QSER1: variants seen among roughly 807,000 people sequenced by gnomAD.
QSER1 encodes the protein glutamine and serine-rich protein 1.
QSER1 carries 49 observed loss-of-function variants against 158.5 expected under a neutral mutation model. The ratio of observed to expected loss-of-function variants is 0.31; its 90% CI spans 0.25 to 0.39. The LOEUF is 0.39. Ranked by LOEUF, QSER1 falls within the 10% of genes least tolerant of loss-of-function variation. The probability of loss-of-function intolerance (pLI) is 1.00; values close to 1 mark genes in which losing one functional copy is unlikely to be tolerated. For missense variants in QSER1, 1,754 were observed against 2,010.3 expected, an observed-to-expected ratio of 0.87 and a Z score of 2.44; for synonymous variants, 650 against 715.5, an observed-to-expected ratio of 0.91 and a Z score of 1.46.
At chr11:32,966,843 C>G (rs1852758300) in intron 9 of QSER1, among the ~76,000 whole-genome samples, 1 of 152,092 alleles carries the variant, frequency 6.6e-6, no homozygotes, top group African/African-American at 2.4e-5. Context: ...AAAGATACAT[C>G]ATAGCAATTA....
Position 32,934,631 on chromosome 11 carries a change from G to C in QSER1, c.3373G>C (p.Asp1125His). The C allele has an allele frequency of 6.2e-7, 1 of 1,613,730 alleles. No individual in the cohort carries two copies. The highest frequency in any genetic ancestry group is 8.5e-7 in the Non-Finnish European group (1 of 1,179,954). The part of the protein sequence containing the change: ...ESEEDSEAPV[D>H]STLNNNRNQE... ...TGAAGAAGACAGTGAAGCTCCTGTT[G>C]ATAGTACATTAAATAATAACAGAAA... is the stretch of plus-strand genomic sequence containing the variant. The change falls in exon 4 of 13, where the codon GAT becomes CAT. Residue 1125 changes from aspartate to histidine, a missense_variant. Physicochemically the swap from Asp to His is moderately conservative, Grantham distance 81. This residue lies in a region of QSER1 where 1,707 missense variants were observed against 1,919.6 expected (regional missense o/e 0.89). Transcript: ENST00000650167.
chr11:32,903,904 ACCCAG>A (rs1851656252), intron 1 of QSER1, among the ~76,000 whole-genome samples: 1 of 151,990 alleles, frequency 6.6e-6, no homozygotes, highest in Non-Finnish European at 1.5e-5. Flanking sequence ...GAACCACCAC[ACCCAG>A]CCCCAGTAAG....
chr11:32,941,140 G>C (rs1426631956), intron 4 of QSER1, among the ~76,000 whole-genome samples: 1 of 151,372 alleles, frequency 6.6e-6, no homozygotes, highest in African/African-American at 2.4e-5. Context: ...TTTCAGTTTT[G>C]ATTTCCTTTT....
At position 32,963,746 on chromosome 11, in the gene QSER1, C is replaced by G. The variant is rs1336839407; in HGVS notation, c.4970-2554C>G. On this transcript the variant is annotated intron_variant, in intron 8 of 12. Transcript: ENST00000650167. The stretch of plus-strand genomic sequence containing the variant: ...TGGTGTAATCATAATTCACTGTAAC[C>G]TCAAACTTCTGGCACAAGCAATCTT... Among the ~76,000 whole-genome samples the G allele has an allele frequency of 5.3e-5, 8 of 152,268 alleles. No individual in the cohort carries two copies. In the East Asian group the frequency reaches 1.5e-3, roughly 29 times the overall value.
Position 32,933,085 on chromosome 11 carries a change from GGC to G in QSER1, c.1828_1829del (p.Ala610SerfsTer7). Reference sequence around the variant, plus strand: ...CTCTTTCTTATTCTTCTGCCTCTCGGGCTCAGAATTTGCCAGACTCTAGCCCG... The same window carrying G: ...CTCTTTCTTATTCTTCTGCCTCTCGGTCAGAATTTGCCAGACTCTAGCCCG... ...PSLSYSSASRAQNLPDSSPTQ... is the reference protein window; with the variant it reads ...PSLSYSSASRXQNLPDSSPTQ... On this transcript the variant is annotated frameshift_variant, in exon 4 of 13. Transcript: ENST00000650167. LOFTEE classifies it high-confidence loss of function. 1 of 1,613,706 alleles carries G rather than the reference GGC, an allele frequency of 6.2e-7. No individual in the cohort carries two copies. Among genetic ancestry groups the G allele is most frequent in the Non-Finnish European group, 8.5e-7 (1 of 1,179,946 alleles).
intron 8 of QSER1, among the ~76,000 whole-genome samples, chr11:32,958,363 A>G (rs1048377976): frequency 3.9e-5 from 6 of 152,034 alleles, no homozygotes. Context: ...GTTAGATCAG[A>G]TGATTACTAA....
chr11:32,964,958 T>C (rs1318963424), intron 8 of QSER1, among the ~76,000 whole-genome samples: 1 of 151,792 alleles, frequency 6.6e-6, no homozygotes, highest in Non-Finnish European at 1.5e-5. Context: ...ACTCCCAGGC[T>C]CAAACAATCC....
chr11:32,913,808 A>G (rs189917598), intron 1 of QSER1, among the ~76,000 whole-genome samples: 4 of 152,276 alleles, frequency 2.6e-5, no homozygotes, highest in African/African-American at 7.2e-5. Context: ...GGAAACGGAG[A>G]CTTGGTTAAG....
At chr11:32,964,799 C>T (rs1032951562) in intron 8 of QSER1, among the ~76,000 whole-genome samples, 1 of 148,180 alleles carries the variant, frequency 6.7e-6, no homozygotes. Flanking sequence ...CACATAAACG[C>T]ACACTATATA....
intron 4 of QSER1, among the ~76,000 whole-genome samples, chr11:32,952,958 A>G (rs1369334762): frequency 6.6e-6 from 1 of 151,506 alleles, no homozygotes. Context: ...GCGCACCACC[A>G]CGCCCAGCTA....
At chr11:32,975,451 A>G in intron 12 of QSER1, 108 bp downstream of exon 12, 2 of 1,539,774 alleles carry the variant, frequency 1.3e-6, no homozygotes, top group Non-Finnish European at 1.8e-6. Flanking sequence ...ACATGTGTGT[A>G]TGTATTTTGT....
intron 1 of QSER1, among the ~76,000 whole-genome samples, chr11:32,914,738 C>A (rs1380625531): frequency 6.6e-6 from 1 of 152,178 alleles, no homozygotes; most frequent in Non-Finnish European, 1.5e-5. Context: ...TTTTATCTTA[C>A]AGTCATATAC....
At chr11:32,948,739 T>C (rs1033409320) in intron 4 of QSER1, among the ~76,000 whole-genome samples, 1 of 152,260 alleles carries the variant, frequency 6.6e-6, no homozygotes, top group African/African-American at 2.4e-5. Flanking sequence ...TACATTCTTT[T>C]TTTAAAAAAA....
At chr11:32,908,095 C>G (rs78425372) in intron 1 of QSER1, among the ~76,000 whole-genome samples, 2,775 of 151,944 alleles carry the variant, frequency 0.018, 43 homozygotes, top group South Asian at 0.035. Context: ...GAGACACTTT[C>G]TCAAAAGAAA....
At chr11:32,923,634 C>CCCCCTTCTTCCCTCCTCT (rs1851927084) in intron 1 of QSER1, among the ~76,000 whole-genome samples, 2 of 148,976 alleles carry the variant, frequency 1.3e-5, no homozygotes, top group Non-Finnish European at 3.0e-5. Flanking sequence ...GCCGAGATCA[C>CCCCCTTCTTCCCTCCTCT]ACCACTACAC....
chr11:32,916,395 C>A (rs950922555), intron 1 of QSER1, among the ~76,000 whole-genome samples: 8 of 152,144 alleles, frequency 5.3e-5, no homozygotes, highest in Non-Finnish European at 4.4e-5. Flanking sequence ...CTCCCCAGAC[C>A]CTAGCAAATG....
At chr11:32,972,892 C>T (rs538326491) in intron 10 of QSER1, among the ~76,000 whole-genome samples, 6 of 152,256 alleles carry the variant, frequency 3.9e-5, no homozygotes, top group South Asian at 2.1e-4. Context: ...ACTACAGTGC[C>T]GCTTCTCCTC....
At chr11:32,924,330 A>T (rs975003197) in intron 1 of QSER1, among the ~76,000 whole-genome samples, 1 of 152,026 alleles carries the variant, frequency 6.6e-6, no homozygotes, top group African/African-American at 2.4e-5. Context: ...TTGGGAGTCC[A>T]AAGTGGGTAG....
At chr11:32,906,517 G>C (rs1013607684) in intron 1 of QSER1, among the ~76,000 whole-genome samples, 2 of 152,050 alleles carry the variant, frequency 1.3e-5, no homozygotes, top group East Asian at 3.9e-4. Context: ...TCCCACCTCA[G>C]CCTCCCAGGT....
Sources: gnomAD v4.1 joint callset for allele counts (sites outside exome capture counted in the v4.1 genomes callset) on GRCh38, gnomAD v4.1.1 for gene constraint, gnomAD v4.1.1 regional missense constraint, MANE v1.5 for transcripts, NCBI Gene and HGNC (gene_info 2026-07-23, HGNC 2026-07-21) for gene names.